The following YEATS2 variants were observed in gnomAD, a reference collection of about 807,000 sequenced individuals.
YEATS2 encodes YEATS domain-containing protein 2.
YEATS2 carries 77 observed loss-of-function variants against 163.2 expected under a neutral mutation model. The ratio of observed to expected loss-of-function variants is 0.47; its 90% CI spans 0.39 to 0.57. The LOEUF (loss-of-function observed/expected upper bound fraction) is 0.57, where lower values mean the gene tolerates loss of function less well. YEATS2 is among the 20% of genes least tolerant of loss of function. The pLI is 0.00. For missense variants in YEATS2, 1,549 were observed against 1,729.8 expected, an observed-to-expected ratio of 0.90 and a Z score of 1.85; for synonymous variants, 631 against 645.1, an observed-to-expected ratio of 0.98 and a Z score of 0.33.
In YEATS2 at chr3:183,762,244, G is replaced by A. The variant is rs1721442333; in HGVS notation, c.1912G>A (p.Gly638Arg). Reference sequence around the variant, plus strand: ...AAAACAGGTCATAACTCCTGGAGAAGGGATTGCCCAGTCAGCAAAGGTTCA... The same window carrying A: ...AAAACAGGTCATAACTCCTGGAGAAAGGATTGCCCAGTCAGCAAAGGTTCA... Reference protein sequence around the residue: ...PQKQVITPGEGIAQSAKVQPS... With the variant: ...PQKQVITPGERIAQSAKVQPS... The change falls in exon 15 of 31, where the codon GGG becomes AGG. Residue 638 changes from glycine to arginine, a missense_variant. By Grantham distance (125) the Gly-to-Arg change is moderately radical. Transcript: ENST00000305135. The A allele has an allele frequency of 6.2e-7, 1 of 1,608,438 alleles. No individual in the cohort carries two copies. Among genetic ancestry groups the A allele is most frequent in the African/African-American group, 1.3e-5 (1 of 74,826 alleles).
intron 1 of YEATS2, among the ~76,000 whole-genome samples, chr3:183,711,318 A>T (rs1022281315): frequency 2.0e-5 from 3 of 151,964 alleles, no homozygotes; most frequent in Non-Finnish European, 4.4e-5. Context: ...AAATACAAAA[A>T]AAAAATCAGC....
intron 19 of YEATS2, among the ~76,000 whole-genome samples, chr3:183,778,474 C>T (rs1687549944): frequency 6.6e-6 from 1 of 152,164 alleles, no homozygotes; most frequent in South Asian, 2.1e-4. Context: ...AGTATCCAGA[C>T]AGTGAGTGAG....
chr3:183,764,524 A>G (rs1195000586), intron 15 of YEATS2, among the ~76,000 whole-genome samples: 1 of 152,314 alleles, frequency 6.6e-6, no homozygotes, highest in East Asian at 1.9e-4. Context: ...TTAAAAATTC[A>G]TAGAGCTTGT....
intron 15 of YEATS2, among the ~76,000 whole-genome samples, chr3:183,767,495 C>T (rs1722023181): frequency 6.6e-6 from 1 of 152,010 alleles, no homozygotes; most frequent in African/African-American, 2.4e-5. Flanking sequence ...ATTCTCTTGA[C>T]TCAGCCTCCC....
At chr3:183,757,351 C>T (rs555284552) in intron 12 of YEATS2, among the ~76,000 whole-genome samples, 54 of 152,178 alleles carry the variant, frequency 3.5e-4, no homozygotes, top group African/African-American at 1.3e-3. Context: ...AGTGCAGTGG[C>T]GTGATCTCGG....
chr3:183,768,343 A>G (rs1431880806), intron 15 of YEATS2, among the ~76,000 whole-genome samples: 1 of 152,208 alleles, frequency 6.6e-6, no homozygotes, highest in Non-Finnish European at 1.5e-5. Context: ...ACTTCTGCAC[A>G]CATCCCGTTA....
chr3:183,772,211 T>C (rs571210202), intron 15 of YEATS2, 94 bp from the exon 16 acceptor site: 54 of 1,546,776 alleles, frequency 3.5e-5, no homozygotes, highest in Middle Eastern at 2.4e-4. Flanking sequence ...CTGCATGTAT[T>C]ATGTGCAGGC....
chr3:183,739,030 G>T (rs1378123775), intron 8 of YEATS2, among the ~76,000 whole-genome samples: 6 of 143,742 alleles, frequency 4.2e-5, no homozygotes, highest in Non-Finnish European at 7.6e-5. Context: ...CAGTGTAAAA[G>T]TGTTCCTATT....
chr3:183,701,656 A>G (rs936857642), intron 1 of YEATS2, among the ~76,000 whole-genome samples: 1 of 152,014 alleles, frequency 6.6e-6, no homozygotes, highest in African/African-American at 2.4e-5. Context: ...GGCCTCCCAA[A>G]GTGCTGGGAT....
At chr3:183,808,468 C>T (rs1015845695) in intron 29 of YEATS2, among the ~76,000 whole-genome samples, 2 of 152,218 alleles carry the variant, frequency 1.3e-5, no homozygotes, top group African/African-American at 4.8e-5. Context: ...ATGCCGCAGC[C>T]TCCTTCCCCA....
Position 183,715,132 on chromosome 3 carries a change from A to G in YEATS2, c.-19-12A>G, listed in dbSNP as rs1479624141. 6.6e-7 allele frequency: 1 copy of G among 1,505,886 alleles called. No individual in the cohort carries two copies. Among genetic ancestry groups the G allele is most frequent in the Admixed American group, 1.8e-5 (1 of 55,012 alleles). The allele number at this position is 1,505,886 out of a possible 1,614,324, so 93.3% of individuals were successfully genotyped here. On this transcript the variant is annotated splice_polypyrimidine_tract_variant and intron_variant, in intron 1 of 30. Transcript: ENST00000305135. ...AATAATTAAAAATTATTAATTTATC[A>G]TTGCTTCACAGTGAAGAACTGAATG...
chr3:183,774,354 G>A (rs1722762134), intron 17 of YEATS2, among the ~76,000 whole-genome samples: 1 of 152,148 alleles, frequency 6.6e-6, no homozygotes, highest in South Asian at 2.1e-4. Context: ...AGGGATCTAG[G>A]TTGTGTGCTC....
intron 19 of YEATS2, among the ~76,000 whole-genome samples, chr3:183,782,768 G>T (rs571867528): frequency 6.6e-6 from 1 of 152,276 alleles, no homozygotes; most frequent in South Asian, 2.1e-4. Context: ...TCCTGTTGAT[G>T]GACATTTGGA....
Position 183,771,718 on chromosome 3 carries a change from A to ATT in YEATS2, c.1948-561_1948-560dup, listed in dbSNP as rs10592078. Among the ~76,000 whole-genome samples the ATT allele has an allele frequency of 2.1e-3, 212 of 100,210 alleles. 8 individuals carry two copies. Among genetic ancestry groups the ATT allele is most frequent in the African/African-American group, 7.3e-3 (161 of 22,194 alleles). 65.7% of individuals were successfully genotyped at this position (100,210 alleles called of 152,430 possible). A position where few individuals can be genotyped will look rare whatever the true frequency, so the allele number is the denominator to read the frequency against. On this transcript the variant is annotated intron_variant, in intron 15 of 30. Coordinates refer to ENST00000305135, the MANE Select transcript of YEATS2 (RefSeq NM_018023.5). ...CAGATGTGTGCCACTGTACTGGCTA[A>ATT]TTTTTTTTTTTTTTTTTTTTTTTTT...
intron 8 of YEATS2, among the ~76,000 whole-genome samples, chr3:183,737,647 G>A (rs1718486059): frequency 6.6e-6 from 1 of 152,184 alleles, no homozygotes; most frequent in Non-Finnish European, 1.5e-5. Context: ...ACGTGTTTTG[G>A]AAATGATAAA....
chr3:183,704,127 G>A (rs1714381570), intron 1 of YEATS2, among the ~76,000 whole-genome samples: 1 of 151,200 alleles, frequency 6.6e-6, no homozygotes, highest in African/African-American at 2.4e-5. Flanking sequence ...ATCCAGCTTG[G>A]GCAACAGAGT....
chr3:183,795,393 G>C (rs1341526576), intron 21 of YEATS2, among the ~76,000 whole-genome samples: 2 of 149,650 alleles, frequency 1.3e-5, no homozygotes, highest in Non-Finnish European at 3.0e-5. Flanking sequence ...GGATCAGGCT[G>C]TCCTCCCACT....
Position 183,715,095 on chromosome 3 carries a change from A to G in YEATS2, c.-19-49A>G, listed in dbSNP as rs1196632497. On this transcript the variant is annotated intron_variant, in intron 1 of 30. Coordinates refer to ENST00000305135, the MANE Select transcript of YEATS2 (RefSeq NM_018023.5). Reference sequence around the variant, plus strand: ...TGGTATGCAGTGTTACTACAACCCAACTATTTAACTGAATAATTAAAAATT... The same window carrying G: ...TGGTATGCAGTGTTACTACAACCCAGCTATTTAACTGAATAATTAAAAATT... 6 of 1,193,918 alleles carry G rather than the reference A, an allele frequency of 5.0e-6. No individual in the cohort carries two copies. The East Asian group carries it at 1.2e-4, about 24-fold the overall frequency. 74.0% of individuals were successfully genotyped at this position (1,193,918 alleles called of 1,614,324 possible). A position where few individuals can be genotyped will look rare whatever the true frequency, so the allele number is the denominator to read the frequency against.
At chr3:183,800,839 G>T in intron 24 of YEATS2, 1 of 331,722 alleles carries the variant, frequency 3.0e-6, no homozygotes, top group Non-Finnish European at 5.6e-6. Context: ...GCCAACATGG[G>T]CTTTCTCTGC....
Sources: allele counts gnomAD v4.1 joint callset (sites outside exome capture counted in the v4.1 genomes callset), GRCh38; gene constraint gnomAD v4.1.1; transcripts MANE v1.5; gene names NCBI Gene and HGNC (gene_info 2026-07-23, HGNC 2026-07-21).